EXTL3: variants seen among roughly 807,000 people sequenced by gnomAD.
EXTL3 encodes exostosin like glycosyltransferase 3, also known as exostosin-like 3.
Under a neutral mutation model 69.3 loss-of-function variants are expected in EXTL3, and 27 were observed. That is an observed-to-expected ratio of 0.39 (90% CI 0.29 to 0.54). The LOEUF (loss-of-function observed/expected upper bound fraction) is 0.54. Ranked by LOEUF, EXTL3 falls within the 20% of genes least tolerant of loss-of-function variation. The probability of loss-of-function intolerance (pLI) is 0.69; values close to 1 mark genes in which losing one functional copy is unlikely to be tolerated. For missense variants in EXTL3, 1,003 were observed against 1,231.8 expected (o/e 0.81, Z 2.78); for synonymous variants, 511 against 499.4 (o/e 1.02, Z -0.31).
At chr8:28,719,714 A>T (rs1003968430) in intron 3 of EXTL3, among the ~76,000 whole-genome samples, 4 of 152,138 alleles carry the variant, frequency 2.6e-5, no homozygotes, top group Admixed American at 6.5e-5. Context: ...ACTTTATGTC[A>T]TTGAAATTAA....
At chr8:28,721,508 G>A (rs989616783) in intron 3 of EXTL3, among the ~76,000 whole-genome samples, 1 of 152,360 alleles carries the variant, frequency 6.6e-6, no homozygotes, top group African/African-American at 2.4e-5. Flanking sequence ...GAAAGCAACA[G>A]TAATTCTCCC....
rs140199303 is a variant in EXTL3 at position 28,754,423 on chromosome 8, TC to T, written c.*3560del. On this transcript the variant is annotated 3_prime_UTR_variant, in exon 7 of 7. Coordinates refer to ENST00000220562, the MANE Select transcript of EXTL3 (RefSeq NM_001440.4). The stretch of plus-strand genomic sequence containing the variant: ...AATGGGTGAGACTTAACAGTCGGTG[TC>T]CCTCCTCAAGTGGGGTTCACGACTG... The T allele has an allele frequency of 0.037, 5,586 of 152,458 alleles. 206 individuals carry two copies. The highest frequency in any genetic ancestry group is 0.13 in the East Asian group (670 of 5,164). The allele number at this position is 152,458 out of a possible 1,614,324, so 9.4% of individuals were successfully genotyped here. A position where few individuals can be genotyped will look rare whatever the true frequency, so the allele number is the denominator to read the frequency against.
intron 1 of EXTL3, among the ~76,000 whole-genome samples, chr8:28,632,890 C>T (rs1806590334): frequency 6.6e-6 from 1 of 152,066 alleles, no homozygotes; most frequent in Non-Finnish European, 1.5e-5. Context: ...GTGGTACATA[C>T]TACCTGGCAA....
chr8:28,736,166 C>G (rs913236025), intron 4 of EXTL3, among the ~76,000 whole-genome samples: 6 of 151,940 alleles, frequency 3.9e-5, no homozygotes, highest in Non-Finnish European at 8.8e-5. Context: ...GTTTGTTTTG[C>G]CACAATTTAA....
intron 5 of EXTL3, chr8:28,742,870 G>C (rs1369236399): frequency 5.2e-6 from 3 of 579,112 alleles, no homozygotes; most frequent in Non-Finnish European, 6.4e-6. Context: ...TGTTACTAAA[G>C]GGGGTGATGA....
intron 1 of EXTL3, among the ~76,000 whole-genome samples, chr8:28,678,426 T>C (rs1807424149): frequency 6.6e-6 from 1 of 152,106 alleles, no homozygotes; most frequent in Non-Finnish European, 1.5e-5. Flanking sequence ...AGATTAATGG[T>C]AGAAGGAGTG....
At chr8:28,742,154 T>C (rs1801794056) in intron 5 of EXTL3, 2 of 152,234 alleles carry the variant, frequency 1.3e-5, no homozygotes, top group Admixed American at 1.3e-4. Flanking sequence ...ACAGTAGATA[T>C]AGGTAACCTC....
Position 28,753,143 on chromosome 8 carries a change from C to G in EXTL3, c.*2277C>G, listed in dbSNP as rs1373081355. ...CTGAAAGGAACACTGGCTTGAAGGA[C>G]TGCAGACAGGCTCTGAGGGGCACGC... On this transcript the variant is annotated 3_prime_UTR_variant, in exon 7 of 7. Transcript: ENST00000220562. 3 of 152,302 alleles carry G rather than the reference C, an allele frequency of 2.0e-5. No individual in the cohort carries two copies. The highest frequency in any genetic ancestry group is 7.2e-5 in the African/African-American group (3 of 41,480). 9.4% of individuals were successfully genotyped at this position (152,302 alleles called of 1,614,324 possible).
chr8:28,640,575 C>A (rs1208979091), intron 1 of EXTL3, among the ~76,000 whole-genome samples: 1 of 152,158 alleles, frequency 6.6e-6, no homozygotes, highest in Non-Finnish European at 1.5e-5. Context: ...ATGGTATTAA[C>A]ACTTTTATTA....
intron 1 of EXTL3, among the ~76,000 whole-genome samples, chr8:28,679,729 TAAAA>T (rs33956566): frequency 2.1e-5 from 3 of 140,662 alleles, no homozygotes; most frequent in Non-Finnish European, 3.1e-5. Flanking sequence ...CCCTACCTCT[TAAAA>T]AAAAAAAAAA....
chr8:28,627,606 G>A (rs1021838295), intron 1 of EXTL3, among the ~76,000 whole-genome samples: 1 of 152,044 alleles, frequency 6.6e-6, no homozygotes, highest in Non-Finnish European at 1.5e-5. Context: ...CAAAAGAATT[G>A]TAAGCAGGGA....
chr8:28,735,114 T>TA (rs11381507), intron 4 of EXTL3, among the ~76,000 whole-genome samples: 54,031 of 151,616 alleles, frequency 0.36, 10,651 homozygotes, highest in African/African-American at 0.54. Context: ...TACACGATAA[T>TA]AGTAGCTGAC....
rs545156237 is a variant in EXTL3 at position 28,716,036 on chromosome 8, T to C, written c.-24T>C. 1.9e-6 allele frequency: 3 copies of C among 1,581,878 alleles called. No homozygotes were observed. In the South Asian group the frequency reaches 3.3e-5, roughly 18 times the overall value. ...TTATGGCGAGTGACCCGACGTGATC[T>C]GGGGGGCAGGCTGCAGAGGACTCAT... On this transcript the variant is annotated 5_prime_UTR_variant, in exon 3 of 7. Transcript: ENST00000220562. This position sits in a 1 kb window ranked among gnomAD's most constrained non-coding sequence, Gnocchi z 7.1.
At chr8:28,676,752 G>T (rs757427262) in intron 1 of EXTL3, among the ~76,000 whole-genome samples, 26 of 152,180 alleles carry the variant, frequency 1.7e-4, no homozygotes, top group Non-Finnish European at 3.5e-4. Flanking sequence ...GACAGAGGAA[G>T]ATCGCCCAAA....
chr8:28,710,940 T>C (rs1801020077), intron 1 of EXTL3, among the ~76,000 whole-genome samples: 2 of 152,308 alleles, frequency 1.3e-5, no homozygotes, highest in African/African-American at 4.8e-5. Flanking sequence ...GAAGAGACAG[T>C]GTAGAGTAGG....
In EXTL3 at chr8:28,750,984, G is replaced by A; in HGVS notation, c.*118G>A. On this transcript the variant is annotated 3_prime_UTR_variant, in exon 7 of 7. Transcript: ENST00000220562. This position sits in a 1 kb window ranked among gnomAD's most constrained non-coding sequence, Gnocchi z 5.2. ...GGTGGGTGGCCCAGAGCCTCTGCTG[G>A]AAGGGGCAGCAGGAGGAGTGGAAGG... 1 of 844,402 alleles carries A rather than the reference G, an allele frequency of 1.2e-6. No homozygotes were observed. The highest frequency in any genetic ancestry group is 1.9e-6 in the Non-Finnish European group (1 of 522,224). The allele number at this position is 844,402 out of a possible 1,614,324, so 52.3% of individuals were successfully genotyped here. A position where few individuals can be genotyped will look rare whatever the true frequency, so the allele number is the denominator to read the frequency against.
rs751595051 is a variant in EXTL3 at position 28,716,956 on chromosome 8, C to T, written c.897C>T (p.Ala299=). ...TCAGTACTGGCCGTGCCATGGTGGC[C>T]CAGTCCACCTTCTACACTGTCCAGT... ...YNVSTGRAMV[A]QSTFYTVQYR... Residue 299 remains alanine, a synonymous_variant, in exon 3 of 7, where the codon GCC becomes GCT. Transcript: ENST00000220562. This position sits in a 1 kb window ranked among gnomAD's most constrained non-coding sequence, Gnocchi z 7.1. 1.9e-6 allele frequency: 3 copies of T among 1,614,106 alleles called. No homozygotes were observed. In the East Asian group the frequency reaches 6.7e-5, roughly 36 times the overall value.
At chr8:28,749,289 T>TA (rs939771990) in intron 6 of EXTL3, among the ~76,000 whole-genome samples, 2 of 151,790 alleles carry the variant, frequency 1.3e-5, no homozygotes, top group African/African-American at 4.8e-5. Flanking sequence ...CCTGAAAACA[T>TA]AAAAAAGCAA....
At chr8:28,677,876 T>C (rs903568188) in intron 1 of EXTL3, among the ~76,000 whole-genome samples, 5 of 152,250 alleles carry the variant, frequency 3.3e-5, no homozygotes, top group Admixed American at 2.6e-4. Context: ...ATCCAAAGAT[T>C]AGTAAAATAC....
Sources: allele counts gnomAD v4.1 joint callset (sites outside exome capture counted in the v4.1 genomes callset), GRCh38; gene constraint gnomAD v4.1.1; non-coding constraint Gnocchi (gnomAD v3.1); transcripts MANE v1.5; gene names NCBI Gene and HGNC (gene_info 2026-07-23, HGNC 2026-07-21).